Variants in VPS8 observed in about 807,000 individuals in gnomAD.
VPS8 encodes VPS8 subunit of CORVET complex.
A neutral mutation model predicts 216.4 loss-of-function variants in VPS8; 129 were observed. The observed-to-expected ratio is 0.60, with a 90% confidence interval of 0.52 to 0.69. VPS8 has a LOEUF of 0.69. Ranked by LOEUF, VPS8 falls within the 30% of genes least tolerant of loss-of-function variation. VPS8 has a pLI of 0.00. For missense variants in VPS8, 1,531 were observed against 1,683.5 expected (o/e 0.91, Z 1.59); for synonymous variants, 571 against 565.4 (o/e 1.01, Z -0.14).
chr3:185,033,531 C>T (rs536835425), intron 46 of VPS8, among the ~76,000 whole-genome samples: 6 of 152,276 alleles, frequency 3.9e-5, no homozygotes, highest in East Asian at 1.9e-4. Context: ...TCACCTACTG[C>T]GGGACATCCT....
intron 15 of VPS8, among the ~76,000 whole-genome samples, chr3:184,860,521 A>G (rs1002292398): frequency 4.0e-5 from 6 of 151,782 alleles, no homozygotes; most frequent in African/African-American, 1.4e-4. Context: ...AGTCCTGGTT[A>G]TATTGAATAA....
chr3:185,008,311 G>T (rs1754529669), intron 45 of VPS8, among the ~76,000 whole-genome samples: 1 of 152,016 alleles, frequency 6.6e-6, no homozygotes, highest in Non-Finnish European at 1.5e-5. Context: ...AATGTTAAGG[G>T]ATTCATTACT....
At chr3:185,013,704 G>A (rs1422047692) in intron 45 of VPS8, among the ~76,000 whole-genome samples, 1 of 152,144 alleles carries the variant, frequency 6.6e-6, no homozygotes. Flanking sequence ...ATCATTTGAG[G>A]TTGAGGTGCC....
intron 36 of VPS8, among the ~76,000 whole-genome samples, chr3:184,941,658 C>G (rs1267812699): frequency 6.6e-6 from 1 of 152,010 alleles, no homozygotes; most frequent in African/African-American, 2.4e-5. Context: ...CTTCTCAGCC[C>G]TTTCTCCAGA....
chr3:184,999,955 C>T, intron 45 of VPS8, 94 bp downstream of exon 45: 1 of 1,358,442 alleles, frequency 7.4e-7, no homozygotes, highest in Non-Finnish European at 9.9e-7. Context: ...TAGGTCTCAA[C>T]AAATTTACCT....
At chr3:184,996,712 A>G (rs1752662298) in intron 44 of VPS8, among the ~76,000 whole-genome samples, 1 of 152,204 alleles carries the variant, frequency 6.6e-6, no homozygotes, top group African/African-American at 2.4e-5. Flanking sequence ...ATGGAGAAAA[A>G]TAAAACACAG....
chr3:184,924,800 T>TC, intron 29 of VPS8, 62 bp from the exon 30 acceptor site: 2 of 763,474 alleles, frequency 2.6e-6, no homozygotes, highest in South Asian at 5.5e-5. Context: ...TCTAATTGTA[T>TC]TTTTTTTTTT....
chr3:184,963,155 T>G (rs577175869), intron 37 of VPS8, among the ~76,000 whole-genome samples: 1 of 152,116 alleles, frequency 6.6e-6, no homozygotes, highest in Non-Finnish European at 1.5e-5. Flanking sequence ...CTATTTTTAG[T>G]GTCCTACATC....
At chr3:184,927,442 A>C (rs1251194686) in intron 31 of VPS8, among the ~76,000 whole-genome samples, 1 of 152,186 alleles carries the variant, frequency 6.6e-6, no homozygotes, top group Non-Finnish European at 1.5e-5. Flanking sequence ...CCTAGGTAAA[A>C]GAACAGCTGG....
At chr3:184,853,232 T>C (rs1402251881) in intron 11 of VPS8, among the ~76,000 whole-genome samples, 1 of 152,178 alleles carries the variant, frequency 6.6e-6, no homozygotes, top group Non-Finnish European at 1.5e-5. Context: ...GTTTCTGCTC[T>C]AAGAGAACTT....
chr3:184,974,259 G>A (rs4273352), intron 40 of VPS8, among the ~76,000 whole-genome samples: 146,178 of 152,276 alleles, frequency 0.96, 70,460 homozygotes, highest in East Asian at 1. Context: ...GTGATGTAAT[G>A]GCTCATGATG....
chr3:184,850,388 T>C (rs1459545188), intron 10 of VPS8, among the ~76,000 whole-genome samples: 2 of 152,190 alleles, frequency 1.3e-5, no homozygotes, highest in Non-Finnish European at 2.9e-5. Context: ...TCTTTTTACC[T>C]TTGTTTAGGT....
intron 21 of VPS8, among the ~76,000 whole-genome samples, chr3:184,875,056 CTTTT>C (rs5855044): frequency 6.0e-5 from 6 of 100,286 alleles, no homozygotes; most frequent in Admixed American, 1.1e-4. Flanking sequence ...GTTTTTAAAA[CTTTT>C]TTTTTTTTTT....
intron 23 of VPS8, among the ~76,000 whole-genome samples, chr3:184,895,736 C>T (rs1041122523): frequency 2.1e-5 from 3 of 140,466 alleles, no homozygotes; most frequent in South Asian, 2.5e-4. Flanking sequence ...TGGGTTGAAG[C>T]GATTCTTGTG....
chr3:185,019,063 G>T (rs150970849), intron 45 of VPS8, among the ~76,000 whole-genome samples: 1 of 152,046 alleles, frequency 6.6e-6, no homozygotes, highest in African/African-American at 2.4e-5. Context: ...CTGTTACTTC[G>T]TTGTACTCTC....
chr3:184,852,599 GAA>G, intron 11 of VPS8, 32 bp downstream of exon 11: 1 of 1,587,858 alleles, frequency 6.3e-7, no homozygotes, highest in African/African-American at 1.3e-5. Flanking sequence ...GTTGACAAAT[GAA>G]AAGACTAGCT....
chr3:184,819,377 C>G (rs955596522), intron 1 of VPS8, among the ~76,000 whole-genome samples: 7 of 152,094 alleles, frequency 4.6e-5, no homozygotes, highest in African/African-American at 1.7e-4. Context: ...GTATGGTATC[C>G]TCTTAAGAAC....
At chr3:184,933,548 T>TG (rs397991858) in intron 34 of VPS8, among the ~76,000 whole-genome samples, 3 of 151,222 alleles carry the variant, frequency 2.0e-5, no homozygotes, top group Non-Finnish European at 3.0e-5. Flanking sequence ...TGTGTGTGTG[T>TG]TTTTAAGTGG....
chr3:184,868,927 T>C lies in VPS8; in HGVS notation c.1507-19T>C. The C allele has an allele frequency of 1.3e-6, 2 of 1,591,968 alleles. No individual in the cohort carries two copies. Among genetic ancestry groups the C allele is most frequent in the Admixed American group, 1.8e-5 (1 of 56,684 alleles). Reference sequence around the variant, plus strand: ...TGGTCAGACAAAGGGGCCTGGTTTCTCTCATTTTTCCGTTTTAGAGAGTGG... The same window carrying C: ...TGGTCAGACAAAGGGGCCTGGTTTCCCTCATTTTTCCGTTTTAGAGAGTGG... On this transcript the variant is annotated intron_variant, in intron 18 of 47. Transcript: ENST00000625842.
Sources: allele counts gnomAD v4.1 joint callset (sites outside exome capture counted in the v4.1 genomes callset), GRCh38; gene constraint gnomAD v4.1.1; transcripts MANE v1.5; gene names NCBI Gene and HGNC (gene_info 2026-07-23, HGNC 2026-07-21).